FGF14: variants seen among roughly 807,000 people sequenced by gnomAD.
FGF14 encodes the protein fibroblast growth factor 14.
A neutral mutation model predicts 25.5 loss-of-function variants in FGF14; 5 were observed. That is an observed-to-expected ratio of 0.20 (90% CI 0.10 to 0.41). The LOEUF is 0.41. FGF14 is among the 10% of genes least tolerant of loss of function. The pLI is 1.00. For missense variants in FGF14, 222 were observed against 320.1 expected (o/e 0.69, Z 2.34); for synonymous variants, 138 against 118.3 (o/e 1.17, Z -1.08).
In FGF14 at chr13:102,287,075, T is replaced by C. The variant is rs549639143; in HGVS notation, c.208+114396A>G. On this transcript the variant is annotated intron_variant, in intron 1 of 4. Transcript: ENST00000376131. ...CACACCAACATGGCACATGTATACA[T>C]ATGTAACGAACCTGCACGTTGTGCA... Among the ~76,000 whole-genome samples the C allele has an allele frequency of 2.1e-3, 322 of 152,126 alleles. 1 individual carries two copies. The highest frequency in any genetic ancestry group is 7.4e-3 in the African/African-American group (305 of 41,490).
At chr13:102,373,354 A>C (rs1284271108) in intron 1 of FGF14, 1 of 152,166 alleles carries the variant, frequency 6.6e-6, no homozygotes, top group African/African-American at 2.4e-5. Context: ...TTTTAACTAT[A>C]AACACTGTAA....
At chr13:102,378,595 A>ATATCTATCTATCTATCTATC (rs4000839) in intron 1 of FGF14, among the ~76,000 whole-genome samples, 3 of 140,358 alleles carry the variant, frequency 2.1e-5, no homozygotes, top group Non-Finnish European at 3.1e-5. Flanking sequence ...ATATATATCT[A>ATATCTATCTATCTATCTATC]TATCTATCTA....
intron 1 of FGF14, among the ~76,000 whole-genome samples, chr13:102,358,706 A>T (rs1012363050): frequency 3.9e-5 from 6 of 152,208 alleles, no homozygotes; most frequent in Non-Finnish European, 7.3e-5. Flanking sequence ...AAAATTAAAG[A>T]TAATGAAGAT....
intron 1 of FGF14, among the ~76,000 whole-genome samples, chr13:102,083,721 A>G (rs2043751871): frequency 6.6e-6 from 1 of 152,240 alleles, no homozygotes; most frequent in South Asian, 2.1e-4. Context: ...TAGAATGTAT[A>G]AAACTAAACT....
intron 1 of FGF14, among the ~76,000 whole-genome samples, chr13:102,361,334 G>C (rs1231541201): frequency 6.6e-6 from 1 of 152,162 alleles, no homozygotes; most frequent in Non-Finnish European, 1.5e-5. Context: ...AGTTGGAAAA[G>C]ACAGCATGGA....
intron 1 of FGF14, among the ~76,000 whole-genome samples, chr13:102,278,194 A>G (rs1326841214): frequency 6.6e-6 from 1 of 152,212 alleles, no homozygotes; most frequent in Non-Finnish European, 1.5e-5. Context: ...TAAAAGAGGC[A>G]ATGAGTCACA....
At chr13:101,839,121 G>C (rs1254803807) in intron 3 of FGF14, among the ~76,000 whole-genome samples, 1 of 152,038 alleles carries the variant, frequency 6.6e-6, no homozygotes, top group Non-Finnish European at 1.5e-5. Flanking sequence ...TACAAATGGT[G>C]TGTCTCTACT....
chr13:101,886,415 G>A (rs2045991163), intron 1 of FGF14, among the ~76,000 whole-genome samples: 1 of 152,040 alleles, frequency 6.6e-6, no homozygotes, highest in Non-Finnish European at 1.5e-5. Flanking sequence ...ACTCATTTTT[G>A]ACAAAGGCAC....
Position 102,385,791 on chromosome 13 carries a change from G to A in FGF14, c.208+15680C>T, listed in dbSNP as rs1166919155. Among the ~76,000 whole-genome samples, 4 of 152,096 alleles carry A rather than the reference G, an allele frequency of 2.6e-5. No homozygotes were observed. In the East Asian group the frequency reaches 7.7e-4, roughly 29 times the overall value. ...CTTAAAATTTTGTCCCAAGCTAAAT[G>A]TCTGGCATACATACACACCCATAAA... On this transcript the variant is annotated intron_variant, in intron 1 of 4. Coordinates refer to the FGF14 transcript ENST00000376131.
At chr13:101,744,910 C>T (rs1474525997) in intron 3 of FGF14, among the ~76,000 whole-genome samples, 4 of 151,948 alleles carry the variant, frequency 2.6e-5, no homozygotes, top group African/African-American at 9.7e-5. Context: ...ATCCCCTGCC[C>T]TCAAAGACCT....
chr13:101,778,910 C>T (rs1433047259), intron 3 of FGF14: 2 of 152,014 alleles, frequency 1.3e-5, no homozygotes, highest in East Asian at 3.9e-4. Context: ...ACAGCCCCCA[C>T]TACCACCAAT....
At chr13:102,349,822 T>C (rs945379865) in intron 1 of FGF14, among the ~76,000 whole-genome samples, 2 of 152,218 alleles carry the variant, frequency 1.3e-5, no homozygotes, top group African/African-American at 4.8e-5. Context: ...TATGGGAAAT[T>C]GTGGTGCAAC....
chr13:101,975,788 T>C (rs1885904), intron 1 of FGF14, among the ~76,000 whole-genome samples: 67,105 of 152,116 alleles, frequency 0.44, 15,165 homozygotes, highest in African/African-American at 0.53. Context: ...ACCAGAATTC[T>C]AGCACAGGTT....
intron 1 of FGF14, among the ~76,000 whole-genome samples, chr13:102,006,203 C>G (rs935191545): frequency 5.9e-5 from 9 of 152,132 alleles, no homozygotes; most frequent in African/African-American, 2.2e-4. Flanking sequence ...ATACAGAACT[C>G]ATTATATTTG....
intron 1 of FGF14, among the ~76,000 whole-genome samples, chr13:101,888,573 T>C (rs1420639314): frequency 6.6e-6 from 1 of 152,172 alleles, no homozygotes; most frequent in Non-Finnish European, 1.5e-5. Context: ...ATTTAAATAA[T>C]TTTTAATCAA....
intron 1 of FGF14, among the ~76,000 whole-genome samples, chr13:102,204,680 G>A (rs2049825268): frequency 6.6e-6 from 1 of 152,054 alleles, no homozygotes; most frequent in South Asian, 2.1e-4. Context: ...CCGAGTAGCT[G>A]GGATTACAGG....
chr13:101,909,284 C>T (rs371963850), intron 1 of FGF14, among the ~76,000 whole-genome samples: 6 of 152,038 alleles, frequency 3.9e-5, no homozygotes, highest in East Asian at 1.9e-4. Flanking sequence ...CAAAAGAAAC[C>T]ACCATCAGAG....
At chr13:102,031,601 A>G (rs370057352) in intron 1 of FGF14, among the ~76,000 whole-genome samples, 11 of 151,968 alleles carry the variant, frequency 7.2e-5, no homozygotes, top group Admixed American at 3.3e-4. Flanking sequence ...CCAAAAATCT[A>G]TATTTTCTTA....
chr13:102,049,540 G>A (rs60735036), intron 1 of FGF14, among the ~76,000 whole-genome samples: 10,380 of 152,142 alleles, frequency 0.068, 746 homozygotes, highest in African/African-American at 0.18. Context: ...TTGTTTGCTT[G>A]CCTGAGCATT....
Sources: allele counts gnomAD v4.1 joint callset (sites outside exome capture counted in the v4.1 genomes callset), GRCh38; gene constraint gnomAD v4.1.1; transcripts MANE v1.5; gene names NCBI Gene and HGNC (gene_info 2026-07-23, HGNC 2026-07-21).